Variants in APLF observed in about 807,000 individuals in gnomAD.
The protein encoded by APLF is aprataxin and PNK-like factor.
In APLF, 61 loss-of-function variants were observed where a neutral mutation model predicts 55.6. The observed-to-expected ratio is 1.10, with a 90% CI of 0.89 to 1.36. APLF has a LOEUF of 1.36. APLF is among the 40% of genes most tolerant of loss of function. The probability of loss-of-function intolerance (pLI) is 0.00; values close to 1 mark genes in which losing one functional copy is unlikely to be tolerated. For missense variants in APLF, 611 were observed against 602.5 expected (o/e 1.01, Z -0.15); for synonymous variants, 207 against 214.8 (o/e 0.96, Z 0.32).
chr2:68,488,431 A>G (rs147882282), intron 1 of APLF, among the ~76,000 whole-genome samples: 6 of 151,288 alleles, frequency 4.0e-5, no homozygotes, highest in Middle Eastern at 6.8e-3. Context: ...CCTGGGTTCA[A>G]GCAATCTTCA....
In APLF at chr2:68,467,639, C is replaced by G; in HGVS notation, c.-93C>G. 1.8e-6 allele frequency: 2 copies of G among 1,091,120 alleles called. No individual in the cohort carries two copies. Among genetic ancestry groups the G allele is most frequent in the South Asian group, 4.7e-5 (1 of 21,460 alleles). The allele number at this position is 1,091,120 out of a possible 1,614,324, so 67.6% of individuals were successfully genotyped here. ...TTGAGGCCCTCCCTCGGTGTTTTTT[C>G]CCAGGGCGTGGGCTTGCCCCGCGCG... On this transcript the variant is annotated 5_prime_UTR_variant, in exon 1 of 10. Coordinates refer to ENST00000303795, the MANE Select transcript of APLF (RefSeq NM_173545.3).
intron 2 of APLF, among the ~76,000 whole-genome samples, chr2:68,500,007 A>G (rs1676672760): frequency 6.6e-6 from 1 of 151,974 alleles, no homozygotes; most frequent in African/African-American, 2.4e-5. Context: ...CAAAACTTTT[A>G]TTTTTTGTGT....
At position 68,513,189 on chromosome 2, in the gene APLF, G is replaced by A. The variant is rs1479775328; in HGVS notation, c.451G>A (p.Glu151Lys). 1 of 1,610,768 alleles carries A rather than the reference G, an allele frequency of 6.2e-7. No individual in the cohort carries two copies. Among genetic ancestry groups the A allele is most frequent in the Non-Finnish European group, 8.5e-7 (1 of 1,178,270 alleles). The part of the protein sequence containing the change: ...TGASQLEGST[E>K]IAKTQMTPTN... The stretch of plus-strand genomic sequence containing the variant: ...TGCCTCACAACTGGAAGGAAGCACA[G>A]AAATAGCCAAGACCCAGATGACTCC... The change falls in exon 4 of 10, where the codon GAA (glutamate) becomes AAA (lysine). Residue 151 changes from glutamate (E) to lysine (K), a missense_variant. By Grantham distance (56) the Glu-to-Lys change is moderately conservative. Transcript: ENST00000303795.
intron 2 of APLF, among the ~76,000 whole-genome samples, chr2:68,499,201 A>G (rs1676646442): frequency 6.6e-6 from 1 of 152,210 alleles, no homozygotes; most frequent in Non-Finnish European, 1.5e-5. Context: ...TTCTAAAGTT[A>G]TAGCATGATC....
intron 3 of APLF, among the ~76,000 whole-genome samples, chr2:68,507,370 T>G (rs1676898034): frequency 6.6e-6 from 1 of 151,958 alleles, no homozygotes; most frequent in Non-Finnish European, 1.5e-5. Flanking sequence ...GGTTTTCCTT[T>G]TACTCACATT....
chr2:68,494,295 A>G (rs1490301576), intron 2 of APLF, among the ~76,000 whole-genome samples: 2 of 150,936 alleles, frequency 1.3e-5, no homozygotes, highest in Admixed American at 6.6e-5. Flanking sequence ...AAAAAAAAAA[A>G]AAAAAAAGAA....
chr2:68,494,492 T>C (rs1269332812), intron 2 of APLF, among the ~76,000 whole-genome samples: 1 of 151,654 alleles, frequency 6.6e-6, no homozygotes, highest in Non-Finnish European at 1.5e-5. Context: ...ACACACTTTT[T>C]TTTTTCTTCG....
intron 5 of APLF, among the ~76,000 whole-genome samples, chr2:68,519,730 G>T (rs1170974287): frequency 6.6e-6 from 1 of 151,226 alleles, no homozygotes; most frequent in Non-Finnish European, 1.5e-5. Flanking sequence ...ATGGGCATTT[G>T]GGCTGGTTCC....
chr2:68,513,450 A>G, intron 4 of APLF, 98 bp from the exon 5 acceptor site: 1 of 1,372,094 alleles, frequency 7.3e-7, no homozygotes, highest in Non-Finnish European at 1.0e-6. Flanking sequence ...CTACAGTTGC[A>G]TATGGGTATT....
At chr2:68,572,622 G>A (rs1293103023) in intron 9 of APLF, among the ~76,000 whole-genome samples, 2 of 152,170 alleles carry the variant, frequency 1.3e-5, no homozygotes, top group Non-Finnish European at 2.9e-5. Context: ...GATCGCTTGA[G>A]CCCAGGAGTT....
At chr2:68,508,437 C>A (rs1274657586) in intron 3 of APLF, among the ~76,000 whole-genome samples, 1 of 151,848 alleles carries the variant, frequency 6.6e-6, no homozygotes, top group African/African-American at 2.4e-5. Flanking sequence ...TAGTCTCCTG[C>A]TGCACACCAT....
At chr2:68,515,971 A>C (rs1669567867) in intron 5 of APLF, among the ~76,000 whole-genome samples, 1 of 151,784 alleles carries the variant, frequency 6.6e-6, no homozygotes, top group African/African-American at 2.4e-5. Context: ...GAGATTTTTA[A>C]AAATTAATTC....
At chr2:68,490,487 A>G (rs1009577880) in intron 2 of APLF, among the ~76,000 whole-genome samples, 7 of 152,214 alleles carry the variant, frequency 4.6e-5, no homozygotes, top group African/African-American at 7.2e-5. Flanking sequence ...TCAATGAAAG[A>G]TGACTGCCAG....
rs543738244 is a variant in APLF at position 68,574,760 on chromosome 2, A to G, written c.1334-3060A>G. Among the ~76,000 whole-genome samples, 174 of 152,330 alleles carry G rather than the reference A, an allele frequency of 1.1e-3. 1 individual carries two copies. The highest frequency in any genetic ancestry group is 4.1e-3 in the African/African-American group (171 of 41,578). On this transcript the variant is annotated intron_variant, in intron 9 of 9. Coordinates refer to ENST00000303795, the MANE Select transcript of APLF (RefSeq NM_173545.3). The stretch of plus-strand genomic sequence containing the variant: ...ATGAGGCTTCTTAATAAGTTGCTAA[A>G]TATTTCCAGGGTTCACTGAGGCTTC...
intron 9 of APLF, 66 bp from the exon 10 acceptor site, chr2:68,577,754 G>T: frequency 6.4e-7 from 1 of 1,563,870 alleles, no homozygotes; most frequent in East Asian, 2.3e-5. Flanking sequence ...CATTTTATAG[G>T]TAGATGTCTG....
At chr2:68,571,160 ATTTG>A (rs1179739925) in intron 9 of APLF, among the ~76,000 whole-genome samples, 1 of 151,726 alleles carries the variant, frequency 6.6e-6, no homozygotes, top group Non-Finnish European at 1.5e-5. Flanking sequence ...TTTCTTGTAA[ATTTG>A]TTTGAGTTCT....
chr2:68,534,183 T>C, intron 6 of APLF, among the ~76,000 whole-genome samples: 1 of 152,170 alleles, frequency 6.6e-6, no homozygotes, highest in East Asian at 1.9e-4. Flanking sequence ...AGATGAAATA[T>C]GTTGGCAGAA....
At chr2:68,501,766 C>T (rs1294427109) in intron 2 of APLF, among the ~76,000 whole-genome samples, 1 of 152,106 alleles carries the variant, frequency 6.6e-6, no homozygotes, top group Non-Finnish European at 1.5e-5. Flanking sequence ...ACAAATAAGA[C>T]AATTCCTCTT....
At chr2:68,473,813 C>G (rs1675691361) in intron 1 of APLF, among the ~76,000 whole-genome samples, 1 of 152,100 alleles carries the variant, frequency 6.6e-6, no homozygotes, top group South Asian at 2.1e-4. Context: ...GTTATTTCTC[C>G]CTACCAACAA....
Sources: allele counts gnomAD v4.1 joint callset (sites outside exome capture counted in the v4.1 genomes callset), GRCh38; gene constraint gnomAD v4.1.1; transcripts MANE v1.5; gene names NCBI Gene and HGNC (gene_info 2026-07-23, HGNC 2026-07-21).